The following PRR16 variants were observed in gnomAD, a reference collection of about 807,000 sequenced individuals.
The protein encoded by PRR16 is protein Largen.
In PRR16, 6 loss-of-function variants were observed where a neutral mutation model predicts 18.2. That is an observed-to-expected ratio of 0.33 (90% CI 0.18 to 0.65). The LOEUF (loss-of-function observed/expected upper bound fraction) is 0.65, where lower values mean the gene tolerates loss of function less well. PRR16 is among the 30% of genes least tolerant of loss of function. The pLI, the probability that PRR16 is intolerant of heterozygous loss-of-function variation, is 0.74. For missense variants in PRR16, 412 were observed against 376.6 expected (o/e 1.09, Z -0.78); for synonymous variants, 151 against 147.8 (o/e 1.02, Z -0.16).
chr5:120,734,075 A>G, the PRR16 span, among the ~76,000 whole-genome samples: 4,196 of 152,210 alleles, frequency 0.028, 88 homozygotes, highest in Non-Finnish European at 0.041. Flanking sequence ...TACATCTGTA[A>G]TCTTCAACTG....
At chr5:120,711,336 G>C in the PRR16 span, among the ~76,000 whole-genome samples, 1 of 152,082 alleles carries the variant, frequency 6.6e-6, no homozygotes, top group African/African-American at 2.4e-5. Flanking sequence ...TCTCCCACCA[G>C]ATTATAGACT....
At chr5:120,681,804 G>A (rs562658894) in intron 1 of PRR16, among the ~76,000 whole-genome samples, 7 of 152,296 alleles carry the variant, frequency 4.6e-5, no homozygotes, top group African/African-American at 1.7e-4. Flanking sequence ...CTTGTGGGAA[G>A]ATCTGTCAGC....
At chr5:120,537,505 A>G (rs895748293) in intron 1 of PRR16, among the ~76,000 whole-genome samples, 1 of 152,130 alleles carries the variant, frequency 6.6e-6, no homozygotes, top group Non-Finnish European at 1.5e-5. Flanking sequence ...CCATACCAAT[A>G]TAAAAATATT....
At chr5:120,638,953 A>G (rs1252657081) in intron 1 of PRR16, among the ~76,000 whole-genome samples, 1 of 152,110 alleles carries the variant, frequency 6.6e-6, no homozygotes, top group African/African-American at 2.4e-5. Flanking sequence ...TGAAGCCAAT[A>G]TCTTATCTGT....
chr5:120,712,709 A>G, the PRR16 span, among the ~76,000 whole-genome samples: 1 of 152,176 alleles, frequency 6.6e-6, no homozygotes, highest in Non-Finnish European at 1.5e-5. Flanking sequence ...GATATATGAA[A>G]AGGTGCTCAA....
chr5:120,705,580 A>G, the PRR16 span, among the ~76,000 whole-genome samples: 3 of 152,092 alleles, frequency 2.0e-5, no homozygotes, highest in African/African-American at 7.2e-5. Context: ...TTTCCACACT[A>G]GCTTTAACAA....
At chr5:120,772,227 A>G in the PRR16 span, among the ~76,000 whole-genome samples, 5 of 152,004 alleles carry the variant, frequency 3.3e-5, no homozygotes, top group African/African-American at 9.7e-5. Flanking sequence ...TTCCTTTTTA[A>G]CTGTTCCAAA....
chr5:120,532,950 A>C (rs544562556), intron 1 of PRR16, among the ~76,000 whole-genome samples: 132 of 152,296 alleles, frequency 8.7e-4, no homozygotes, highest in African/African-American at 3.0e-3. Flanking sequence ...TTTACCTTTT[A>C]GTGTTTCTGG....
chr5:120,521,283 G>A (rs143105982), intron 1 of PRR16, among the ~76,000 whole-genome samples: 161 of 152,118 alleles, frequency 1.1e-3, no homozygotes, highest in African/African-American at 3.6e-3. Context: ...TATCTAAAAT[G>A]TTTCATGAAA....
chr5:120,466,427 A>T (rs1749108749), intron 1 of PRR16, among the ~76,000 whole-genome samples: 1 of 152,202 alleles, frequency 6.6e-6, no homozygotes. Flanking sequence ...GGCTGAGACT[A>T]AAAGAAAGGT....
At chr5:120,499,584 C>A (rs770311530) in intron 1 of PRR16, among the ~76,000 whole-genome samples, 14 of 151,990 alleles carry the variant, frequency 9.2e-5, no homozygotes, top group African/African-American at 1.7e-4. Context: ...TATTTTCCAC[C>A]ACTATAACTT....
intron 1 of PRR16, among the ~76,000 whole-genome samples, chr5:120,614,351 A>G (rs1388337242): frequency 6.6e-6 from 1 of 152,190 alleles, no homozygotes; most frequent in Non-Finnish European, 1.5e-5. Context: ...ATGTTGATTA[A>G]TTCTGCACAG....
chr5:120,733,664 G>C, the PRR16 span, among the ~76,000 whole-genome samples: 7,363 of 152,118 alleles, frequency 0.048, 617 homozygotes, highest in African/African-American at 0.17. Context: ...TATGCAACTG[G>C]GAAGCGGCTA....
intron 1 of PRR16, among the ~76,000 whole-genome samples, chr5:120,512,571 T>C (rs916566141): frequency 2.0e-5 from 3 of 152,200 alleles, no homozygotes; most frequent in Admixed American, 2.0e-4. Flanking sequence ...TATGTTTTCC[T>C]ACCTGTGACA....
chr5:120,692,963 A>C, the PRR16 span, among the ~76,000 whole-genome samples: 1 of 152,188 alleles, frequency 6.6e-6, no homozygotes, highest in African/African-American at 2.4e-5. Context: ...TTTCTGAATA[A>C]ATAATCTTTC....
At chr5:120,696,914 TTAAA>T in the PRR16 span, among the ~76,000 whole-genome samples, 248 of 152,326 alleles carry the variant, frequency 1.6e-3, 2 homozygotes, top group Non-Finnish European at 2.9e-3. Flanking sequence ...TTTTATCTGT[TTAAA>T]TAGTTTATGA....
At chr5:120,509,677 C>T (rs780616688) in intron 1 of PRR16, among the ~76,000 whole-genome samples, 4 of 152,148 alleles carry the variant, frequency 2.6e-5, no homozygotes, top group Non-Finnish European at 4.4e-5. Context: ...TTGTCTTTTG[C>T]TGTTATAGAC....
chr5:120,673,972 T>C (rs1402401725), intron 1 of PRR16, among the ~76,000 whole-genome samples: 2 of 146,074 alleles, frequency 1.4e-5, no homozygotes, highest in Non-Finnish European at 3.0e-5. Flanking sequence ...AAAAAAAACC[T>C]ACTAAAACAT....
intron 1 of PRR16, among the ~76,000 whole-genome samples, chr5:120,614,802 A>G (rs1754452571): frequency 1.3e-5 from 2 of 152,206 alleles, no homozygotes; most frequent in Admixed American, 6.5e-5. Context: ...AGTGGCAATT[A>G]TGAAGCTGGG....
Sources: gnomAD v4.1 joint callset for allele counts (sites outside exome capture counted in the v4.1 genomes callset) on GRCh38, gnomAD v4.1.1 for gene constraint, MANE v1.5 for transcripts, NCBI Gene and HGNC (gene_info 2026-07-23, HGNC 2026-07-21) for gene names.